Variants in TRIM14 observed in about 807,000 individuals in gnomAD.
TRIM14 encodes the protein tripartite motif containing 14.
In TRIM14, 28 loss-of-function variants were observed where a neutral mutation model predicts 44.5. That is an observed-to-expected ratio of 0.63 (90% CI 0.47 to 0.86). The LOEUF (loss-of-function observed/expected upper bound fraction) is 0.86. Among genes scored for constraint, TRIM14 ranks in the 40% least tolerant of loss-of-function variants. The pLI, the probability that TRIM14 is intolerant of heterozygous loss-of-function variation, is 0.00. For missense variants in TRIM14, 607 were observed against 611.1 expected (o/e 0.99, Z 0.07); for synonymous variants, 299 against 269.2 (o/e 1.11, Z -1.08).
At chr9:98,118,258 TG>T (rs10706912) in intron 1 of TRIM14, among the ~76,000 whole-genome samples, 126,248 of 152,124 alleles carry the variant, frequency 0.83, 53,049 homozygotes, top group East Asian at 0.96. Flanking sequence ...CCAGAGCCCC[TG>T]GGGCACTGTT....
chr9:98,047,978 T>A, the TRIM14 span, among the ~76,000 whole-genome samples: 1 of 150,660 alleles, frequency 6.6e-6, no homozygotes, highest in Admixed American at 6.7e-5. Flanking sequence ...GGCAGAAGAA[T>A]CGCTTGAACC....
At chr9:98,115,340 C>T (rs981578841) in intron 1 of TRIM14, among the ~76,000 whole-genome samples, 3 of 152,094 alleles carry the variant, frequency 2.0e-5, no homozygotes, top group Admixed American at 6.5e-5. Context: ...ACCTCTGCCT[C>T]GTGGGGTTCA....
At chr9:98,101,039 G>C (rs1039674260) in intron 2 of TRIM14, among the ~76,000 whole-genome samples, 2 of 152,126 alleles carry the variant, frequency 1.3e-5, no homozygotes, top group Admixed American at 1.3e-4. Context: ...GCAGTGGTGC[G>C]ATCTTGGCTC....
intron 2 of TRIM14, among the ~76,000 whole-genome samples, chr9:98,101,164 G>A (rs1420688950): frequency 1.3e-5 from 2 of 151,898 alleles, no homozygotes; most frequent in African/African-American, 4.8e-5. Context: ...TAGTAGAGAC[G>A]GAGTTTCACC....
chr9:98,103,055 G>A (rs1435887100), intron 2 of TRIM14, among the ~76,000 whole-genome samples: 4 of 151,824 alleles, frequency 2.6e-5, no homozygotes, highest in South Asian at 2.1e-4. Flanking sequence ...GGCGTGTGGC[G>A]GGCGCCTGTA....
Position 98,113,568 on chromosome 9 carries a change from T to A in TRIM14, c.208-3584A>T, listed in dbSNP as rs559229954. ...CAGGGTTTCACCATGTTGCTCAGGC[T>A]GGTTTTGAACTCCTGAGCTCAAGTG... On this transcript the variant is annotated intron_variant, in intron 1 of 5. Coordinates refer to ENST00000341469, the MANE Select transcript of TRIM14 (RefSeq NM_014788.4). 3.2e-3 allele frequency among the ~76,000 whole-genome samples: 480 copies of A among 152,324 alleles called. 4 individuals are homozygous for A. The highest frequency in any genetic ancestry group is 0.011 in the African/African-American group (472 of 41,560).
At chr9:98,039,438 GTTTAAACAA>G in the TRIM14 span, among the ~76,000 whole-genome samples, 1 of 152,200 alleles carries the variant, frequency 6.6e-6, no homozygotes, top group South Asian at 2.1e-4. Context: ...TTAGTTTATA[GTTTAAACAA>G]AGACAGTAAC....
the TRIM14 span, among the ~76,000 whole-genome samples, chr9:98,058,308 T>C: frequency 6.6e-6 from 1 of 152,186 alleles, no homozygotes; most frequent in African/African-American, 2.4e-5. Flanking sequence ...ATTTTTTGAG[T>C]GCTTACTCTA....
At chr9:98,035,977 G>A in the TRIM14 span, among the ~76,000 whole-genome samples, 1 of 152,086 alleles carries the variant, frequency 6.6e-6, no homozygotes, top group East Asian at 1.9e-4. Context: ...TTGGGAGGCC[G>A]AGGTGGGTGG....
chr9:98,060,703 A>T, the TRIM14 span: 1 of 1,263,434 alleles, frequency 7.9e-7, no homozygotes, highest in Non-Finnish European at 1.2e-6. Flanking sequence ...TGGTGATGTC[A>T]TAGTGGTTGC....
chr9:98,107,743 T>C (rs1826674880), intron 2 of TRIM14, among the ~76,000 whole-genome samples: 2 of 152,172 alleles, frequency 1.3e-5, no homozygotes, highest in Admixed American at 6.5e-5. Context: ...CTTGGCTCAC[T>C]GCAACCTCCA....
intron 2 of TRIM14, among the ~76,000 whole-genome samples, chr9:98,109,203 A>C (rs1437125794): frequency 6.6e-6 from 1 of 151,594 alleles, no homozygotes; most frequent in African/African-American, 2.4e-5. Context: ...AGGGCCTCCC[A>C]CCCCAGCCCT....
chr9:98,091,578 G>A (rs552161761), intron 5 of TRIM14, among the ~76,000 whole-genome samples: 90 of 151,956 alleles, frequency 5.9e-4, no homozygotes, highest in South Asian at 1.5e-3. Context: ...ATGACACCAC[G>A]TTTGTAACAT....
intron 6 of TRIM14, chr9:98,078,483 A>T: frequency 8.5e-7 from 1 of 1,181,274 alleles, no homozygotes; most frequent in Non-Finnish European, 1.2e-6. Context: ...CTGTTACCAA[A>T]TCAAATTCGA....
intron 6 of TRIM14, among the ~76,000 whole-genome samples, chr9:98,078,856 T>C (rs1829717521): frequency 7.5e-6 from 1 of 133,620 alleles, no homozygotes. Context: ...AAAAAAAAAG[T>C]CTGTCTGTCA....
At chr9:98,058,176 G>A in the TRIM14 span, among the ~76,000 whole-genome samples, 7 of 152,040 alleles carry the variant, frequency 4.6e-5, no homozygotes, top group East Asian at 1.2e-3. Flanking sequence ...CTTGGCCTCC[G>A]AAAGTGCTGG....
the TRIM14 span, among the ~76,000 whole-genome samples, chr9:98,042,245 A>G: frequency 1.5e-4 from 22 of 144,026 alleles, no homozygotes; most frequent in African/African-American, 4.8e-4. Context: ...GTGAGCCAAG[A>G]TGGTGTCACT....
the TRIM14 span, among the ~76,000 whole-genome samples, chr9:98,040,781 C>T: frequency 5.3e-5 from 8 of 152,116 alleles, no homozygotes; most frequent in African/African-American, 1.7e-4. Flanking sequence ...CTCAGCCTCC[C>T]GGGTAGCTAG....
intron 6 of TRIM14, among the ~76,000 whole-genome samples, chr9:98,071,247 A>G (rs1361623286): frequency 1.3e-5 from 2 of 152,170 alleles, no homozygotes; most frequent in African/African-American, 4.8e-5. Context: ...CCTCAGCTGT[A>G]TGGTACATAC....
Sources: gnomAD v4.1 joint callset for allele counts (sites outside exome capture counted in the v4.1 genomes callset) on GRCh38, gnomAD v4.1.1 for gene constraint, MANE v1.5 for transcripts, NCBI Gene and HGNC (gene_info 2026-07-23, HGNC 2026-07-21) for gene names.